Variants in RAD51B observed in about 807,000 individuals in gnomAD.
The protein encoded by RAD51B is RAD51 paralog B, also known as DNA repair protein RAD51 homolog 2.
RAD51B carries 38 observed loss-of-function variants against 42.2 expected under a neutral mutation model. The observed-to-expected ratio is 0.90, with a 90% confidence interval of 0.70 to 1.18. RAD51B has a LOEUF of 1.18. Ranked by LOEUF, RAD51B falls within the 50% of genes most tolerant of loss-of-function variation. The pLI is 0.00. For synonymous variants in RAD51B, 154 were observed against 145.2 expected, an observed-to-expected ratio of 1.06 and a Z score of -0.43; for missense variants, 373 against 400.7, an observed-to-expected ratio of 0.93 and a Z score of 0.59.
chr14:67,831,418 T>G (rs576616324), intron 3 of RAD51B, among the ~76,000 whole-genome samples: 2 of 152,312 alleles, frequency 1.3e-5, no homozygotes, highest in South Asian at 4.1e-4. Flanking sequence ...TAGATGATAA[T>G]GAGTCTGAGA....
intron 5 of RAD51B, among the ~76,000 whole-genome samples, chr14:67,873,364 A>G (rs1395928281): frequency 6.6e-6 from 1 of 152,214 alleles, no homozygotes; most frequent in Admixed American, 6.5e-5. Context: ...CCATCAGAGA[A>G]ATGCAACTCA....
chr14:68,053,010 G>A (rs2140423431), intron 7 of RAD51B, among the ~76,000 whole-genome samples: 1 of 152,174 alleles, frequency 6.6e-6, no homozygotes, highest in East Asian at 1.9e-4. Context: ...TAGTTTTACA[G>A]GTAGCCATAT....
chr14:68,649,605 G>C (rs926427655), intron 10 of RAD51B, among the ~76,000 whole-genome samples: 1 of 152,114 alleles, frequency 6.6e-6, no homozygotes, highest in Non-Finnish European at 1.5e-5. Flanking sequence ...TTAGCTTTTT[G>C]TGCCAAGCCA....
chr14:68,350,616 A>G (rs1289320883), intron 8 of RAD51B, among the ~76,000 whole-genome samples: 2 of 152,234 alleles, frequency 1.3e-5, no homozygotes, highest in Non-Finnish European at 2.9e-5. Flanking sequence ...TTATTTGAAA[A>G]TGAGACAGAT....
intron 7 of RAD51B, among the ~76,000 whole-genome samples, chr14:68,072,063 T>TTATTATA (rs2076752269): frequency 1.1e-5 from 1 of 90,688 alleles, no homozygotes; most frequent in Non-Finnish European, 2.0e-5. Context: ...TTATATATAT[T>TTATTATA]TATATAAATA....
At chr14:68,052,628 CTT>C (rs57405601) in intron 7 of RAD51B, among the ~76,000 whole-genome samples, 9 of 143,972 alleles carry the variant, frequency 6.3e-5, no homozygotes, top group Admixed American at 1.4e-4. Flanking sequence ...TCTTCTTCTT[CTT>C]TTTTTTTTTG....
intron 10 of RAD51B, among the ~76,000 whole-genome samples, chr14:68,637,245 A>G (rs1595040912): frequency 6.6e-6 from 1 of 152,024 alleles, no homozygotes; most frequent in South Asian, 2.1e-4. Flanking sequence ...CACCTGGCTA[A>G]TTTTTTAATT....
intron 10 of RAD51B, chr14:68,497,131 A>G: frequency 7.2e-7 from 1 of 1,395,232 alleles, no homozygotes. Context: ...CAGCCTATGG[A>G]AATTCCTAGA....
Position 68,281,028 on chromosome 14 carries a change from G to A in RAD51B, c.757-10856G>A, listed in dbSNP as rs932072725. On this transcript the variant is annotated intron_variant, in intron 7 of 10. Transcript: ENST00000471583. ...GCCGTGATTGCACTACTGCAGTTTAGTCTGGATGGCAGAGCAAGAGCCTGT... is the reference window on the plus strand; with the variant it reads ...GCCGTGATTGCACTACTGCAGTTTAATCTGGATGGCAGAGCAAGAGCCTGT... 2.6e-5 allele frequency among the ~76,000 whole-genome samples: 4 copies of A among 151,550 alleles called. No individual in the cohort carries two copies. The East Asian group carries it at 7.8e-4, about 29-fold the overall frequency.
At chr14:68,425,967 TCTTTCTTTCTTCCTTC>T (rs1366241528) in intron 9 of RAD51B, among the ~76,000 whole-genome samples, 4 of 104,022 alleles carry the variant, frequency 3.8e-5, no homozygotes, top group African/African-American at 1.2e-4. Context: ...TTTCTTTCTT[TCTTTCTTTCTTCCTTC>T]CTTCCTTCCT....
intron 10 of RAD51B, among the ~76,000 whole-genome samples, chr14:68,603,605 TC>T (rs1365827647): frequency 6.6e-6 from 1 of 152,242 alleles, no homozygotes; most frequent in Non-Finnish European, 1.5e-5. Flanking sequence ...ACCCGAGACT[TC>T]CTTGTAAAAG....
chr14:68,652,251 C>T (rs1206827616), intron 11 of RAD51B, among the ~76,000 whole-genome samples: 2 of 152,242 alleles, frequency 1.3e-5, no homozygotes, highest in Non-Finnish European at 2.9e-5. Context: ...CGAGGCCACG[C>T]AGCCCCGATA....
chr14:68,544,207 C>A (rs958187835), intron 10 of RAD51B, among the ~76,000 whole-genome samples: 1 of 152,186 alleles, frequency 6.6e-6, no homozygotes, highest in Non-Finnish European at 1.5e-5. Flanking sequence ...TAAACTGTTT[C>A]ATGAACCCCA....
intron 7 of RAD51B, among the ~76,000 whole-genome samples, chr14:68,082,846 AGAACT>A (rs1416352562): frequency 6.6e-6 from 1 of 152,186 alleles, no homozygotes; most frequent in Non-Finnish European, 1.5e-5. Context: ...ATTAGTGCCA[AGAACT>A]GAGGTATTTA....
chr14:68,284,025 G>A (rs764665864), intron 7 of RAD51B, among the ~76,000 whole-genome samples: 3 of 152,196 alleles, frequency 2.0e-5, no homozygotes, highest in African/African-American at 7.2e-5. Flanking sequence ...AAGCTGAGGA[G>A]ATTTTTTTTC....
chr14:68,242,425 G>T (rs1244131075), intron 7 of RAD51B, among the ~76,000 whole-genome samples: 1 of 152,144 alleles, frequency 6.6e-6, no homozygotes, highest in Non-Finnish European at 1.5e-5. Context: ...CCCCCTGAAG[G>T]TAGAAAGTCT....
intron 9 of RAD51B, among the ~76,000 whole-genome samples, chr14:68,438,468 C>T (rs75514337): frequency 0.017 from 2,611 of 152,196 alleles, 75 homozygotes; most frequent in African/African-American, 0.058. Context: ...TTGGAACATG[C>T]GTTGTTTCCT....
At chr14:68,269,315 G>T (rs2081056830) in intron 7 of RAD51B, among the ~76,000 whole-genome samples, 1 of 152,174 alleles carries the variant, frequency 6.6e-6, no homozygotes, top group South Asian at 2.1e-4. Flanking sequence ...CAAACCCAAG[G>T]CTGGGTGCCA....
intron 7 of RAD51B, among the ~76,000 whole-genome samples, chr14:68,154,848 G>C (rs533928399): frequency 6.6e-6 from 1 of 152,286 alleles, no homozygotes; most frequent in African/African-American, 2.4e-5. Context: ...AAGCAAAAGT[G>C]CTCAGAGATC....
Sources: allele counts gnomAD v4.1 joint callset (sites outside exome capture counted in the v4.1 genomes callset), GRCh38; gene constraint gnomAD v4.1.1; transcripts MANE v1.5; gene names NCBI Gene and HGNC (gene_info 2026-07-23, HGNC 2026-07-21).